GRIK5: variants seen among roughly 807,000 people sequenced by gnomAD.
The protein encoded by GRIK5 is glutamate ionotropic receptor kainate type subunit 5, also known as glutamate receptor ionotropic, kainate 5.
Under a neutral mutation model 97.4 loss-of-function variants are expected in GRIK5, and 43 were observed. The observed-to-expected ratio is 0.44, with a 90% CI of 0.35 to 0.57. The LOEUF (loss-of-function observed/expected upper bound fraction) is 0.57, where lower values mean the gene tolerates loss of function less well. Among genes scored for constraint, GRIK5 ranks in the 20% least tolerant of loss-of-function variants. The probability of loss-of-function intolerance (pLI) is 0.01; values close to 1 mark genes in which losing one functional copy is unlikely to be tolerated. For missense variants in GRIK5, 1,015 were observed against 1,382.0 expected, an observed-to-expected ratio of 0.73 and a Z score of 4.21; for synonymous variants, 580 against 583.5, an observed-to-expected ratio of 0.99 and a Z score of 0.09.
rs531979987 is a variant in GRIK5, at chr19:42,053,829, C to T, written c.1157G>A (p.Arg386His). 3.1e-6 allele frequency: 5 copies of T among 1,610,772 alleles called. No homozygotes were observed. The highest frequency in any genetic ancestry group is 3.3e-5 in the Admixed American group (2 of 60,008). ...CGTCACCCTGGGTCTGCTCACCTCA[C>T]GGTGGCCCTGCCGGGACTTTTCTAG... ...RILEKSRQGHREIGVWYSNRT... is the reference protein window; with the variant it reads ...RILEKSRQGHHEIGVWYSNRT... Residue 386 changes from arginine to histidine, a missense_variant, in exon 10 of 20, where the codon CGT becomes CAT. Arg to His is a conservative substitution (Grantham distance 29). This residue lies in a region of GRIK5 where 477 missense variants were observed against 701.1 expected (regional missense o/e 0.68). Coordinates refer to ENST00000593562, the MANE Select transcript of GRIK5 (RefSeq NM_002088.5).
chr19:42,060,666 G>T (rs538329673), intron 5 of GRIK5, among the ~76,000 whole-genome samples: 1 of 150,692 alleles, frequency 6.6e-6, no homozygotes, highest in African/African-American at 2.4e-5. Context: ...CCTCCTTGCT[G>T]TTCTGCACAC....
chr19:42,065,403 G>C lies in GRIK5; in HGVS notation c.80-16C>G, dbSNP rs1465117523. On this transcript the variant is annotated splice_polypyrimidine_tract_variant and intron_variant, in intron 2 of 19. Coordinates refer to ENST00000593562, the MANE Select transcript of GRIK5 (RefSeq NM_002088.5). This position sits in a 1 kb window ranked among gnomAD's most constrained non-coding sequence, Gnocchi z 5.8. ...AGGATTGCAGCTGAGGGGACACATGGGTTGGGGACCAGACTCCTGAGTCCT... is the reference window on the plus strand; with the variant it reads ...AGGATTGCAGCTGAGGGGACACATGCGTTGGGGACCAGACTCCTGAGTCCT... The C allele has an allele frequency of 6.4e-6, 10 of 1,568,212 alleles. No individual in the cohort carries two copies. Among genetic ancestry groups the C allele is most frequent in the Non-Finnish European group, 8.7e-6 (10 of 1,155,280 alleles).
chr19:42,007,093 T>C (rs1555872902), intron 15 of GRIK5, among the ~76,000 whole-genome samples: 1 of 152,144 alleles, frequency 6.6e-6, no homozygotes, highest in East Asian at 1.9e-4. Context: ...CAGGAAACTT[T>C]TTTCTTTTTT....
At chr19:42,012,856 G>C (rs2075580052) in intron 15 of GRIK5, among the ~76,000 whole-genome samples, 1 of 147,200 alleles carries the variant, frequency 6.8e-6, no homozygotes, top group African/African-American at 2.5e-5. Context: ...AACAGAGTGA[G>C]ATATTGCCTC....
chr19:42,028,424 G>A (rs1198731771), intron 12 of GRIK5, among the ~76,000 whole-genome samples: 9 of 152,332 alleles, frequency 5.9e-5, no homozygotes. Context: ...GGGCGCTAGC[G>A]GGAGGTTGCC....
chr19:42,022,576 C>CA lies in GRIK5; in HGVS notation c.1474-223dup. The stretch of plus-strand genomic sequence containing the variant: ...ATCCTCATCATCTCACGTCTCCAGA[C>CA]ACACTGACTCCGTCCCCTAGGCCTC... On this transcript the variant is annotated intron_variant, in intron 12 of 19. Transcript: ENST00000593562. This position sits in a 1 kb window ranked among gnomAD's most constrained non-coding sequence, Gnocchi z 4.2. 1 of 985,242 alleles carries CA rather than the reference C, an allele frequency of 1.0e-6. No individual in the cohort carries two copies. Among genetic ancestry groups the CA allele is most frequent in the Non-Finnish European group, 1.2e-6 (1 of 829,882 alleles). 61.0% of individuals were successfully genotyped at this position (985,242 alleles called of 1,614,324 possible).
intron 12 of GRIK5, among the ~76,000 whole-genome samples, chr19:42,032,783 C>T (rs1024115291): frequency 5.9e-5 from 9 of 152,132 alleles, no homozygotes; most frequent in South Asian, 2.1e-4. Context: ...ATAGTCACCC[C>T]GATTCCTCTC....
At chr19:42,023,655 C>G (rs1468232377) in intron 12 of GRIK5, among the ~76,000 whole-genome samples, 1 of 152,188 alleles carries the variant, frequency 6.6e-6, no homozygotes, top group Admixed American at 6.5e-5. Flanking sequence ...CTCACTCATT[C>G]CTGGGGCCAT....
intron 1 of GRIK5, chr19:42,068,422 A>C (rs571643599): frequency 3.6e-6 from 1 of 278,746 alleles, no homozygotes; most frequent in Admixed American, 5.3e-5. Flanking sequence ...ATGGGAGTGG[A>C]AAGAGCCAGA....
At chr19:42,025,935 C>T (rs2075766095) in intron 12 of GRIK5, among the ~76,000 whole-genome samples, 1 of 152,186 alleles carries the variant, frequency 6.6e-6, no homozygotes, top group Non-Finnish European at 1.5e-5. Context: ...TGTAGCAAGA[C>T]CCCATCTCTA....
chr19:42,024,731 G>A (rs894345507), intron 12 of GRIK5, among the ~76,000 whole-genome samples: 5 of 152,068 alleles, frequency 3.3e-5, no homozygotes, highest in African/African-American at 1.2e-4. Flanking sequence ...GCATTCCTGG[G>A]CCACTCGCCA....
intron 15 of GRIK5, among the ~76,000 whole-genome samples, chr19:42,011,552 CAA>C (rs58029855): frequency 2.9e-4 from 19 of 65,104 alleles, no homozygotes; most frequent in Admixed American, 6.7e-4. Flanking sequence ...GACTCCGTCT[CAA>C]AAAAAAAAAA....
Position 42,065,454 on chromosome 19 carries a change from G to A in GRIK5, c.80-67C>T. The A allele has an allele frequency of 1.3e-6, 2 of 1,482,182 alleles. No individual in the cohort carries two copies. The highest frequency in any genetic ancestry group is 2.5e-5 in the South Asian group (2 of 79,436). The allele number at this position is 1,482,182 out of a possible 1,614,324, so 91.8% of individuals were successfully genotyped here. A position where few individuals can be genotyped will look rare whatever the true frequency, so the allele number is the denominator to read the frequency against. ...GAGGAAGGAGGGGGCTGTGGTCTTA[G>A]ACTCCAGGGCTCTAGGGTGAGGTGG... On this transcript the variant is annotated intron_variant, in intron 2 of 19. Coordinates refer to ENST00000593562, the MANE Select transcript of GRIK5 (RefSeq NM_002088.5). The surrounding 1 kb of genome is among the most constrained non-coding windows in gnomAD (Gnocchi z 5.8).
chr19:42,018,278 C>T (rs2075651949), intron 15 of GRIK5, among the ~76,000 whole-genome samples: 2 of 149,144 alleles, frequency 1.3e-5, no homozygotes, highest in African/African-American at 5.0e-5. Flanking sequence ...GAGCCGGGAT[C>T]GCACCACCAC....
intron 17 of GRIK5, among the ~76,000 whole-genome samples, chr19:42,004,461 A>G (rs2075462152): frequency 6.6e-6 from 1 of 152,210 alleles, no homozygotes; most frequent in African/African-American, 2.4e-5. Flanking sequence ...GGCAGATGAA[A>G]GTGATTAATA....
intron 5 of GRIK5, among the ~76,000 whole-genome samples, chr19:42,061,920 T>G (rs1306176861): frequency 6.6e-6 from 1 of 152,198 alleles, no homozygotes; most frequent in African/African-American, 2.4e-5. Context: ...ATCTCTTGCT[T>G]CGTTGTTCTC....
Position 42,042,828 on chromosome 19 carries a change from AC to A in GRIK5, c.1270-74del. 8.6e-7 allele frequency: 1 copy of A among 1,162,228 alleles called. No homozygotes were observed. The highest frequency in any genetic ancestry group is 1.3e-6 in the Non-Finnish European group (1 of 798,690). 72.0% of individuals were successfully genotyped at this position (1,162,228 alleles called of 1,614,324 possible). On this transcript the variant is annotated intron_variant, in intron 11 of 19. Transcript: ENST00000593562. This position sits in a 1 kb window ranked among gnomAD's most constrained non-coding sequence, Gnocchi z 6.9. ...CTGGGTTGCGGATCCTGGAGCCCGG[AC>A]CAGGCAGGTAGAGCAGGAATCTGCT... is the stretch of plus-strand genomic sequence containing the variant.
In GRIK5 at chr19:42,054,441, T is replaced by A. The variant is rs2076156846; in HGVS notation, c.935A>T (p.His312Leu). Reference protein sequence around the residue: ...LSAALMFDAVHVVVSAVRELN... With the variant: ...LSAALMFDAVLVVVSAVRELN... ...CTCTCGGACAGCGCTCACCACCACGTGCACGGCGTCAAACATCAGGGCGGC... is the reference window on the plus strand; with the variant it reads ...CTCTCGGACAGCGCTCACCACCACGAGCACGGCGTCAAACATCAGGGCGGC... The change falls in exon 9 of 20, where the codon CAC (histidine) becomes CTC (leucine). Residue 312 changes from histidine (H) to leucine (L), a missense_variant. Around this residue, in one of 5 missense-constraint regions of GRIK5, gnomAD observed 477 missense variants for 701.1 expected, o/e 0.68. Coordinates refer to ENST00000593562, the MANE Select transcript of GRIK5 (RefSeq NM_002088.5). 1 of 1,613,402 alleles carries A rather than the reference T, an allele frequency of 6.2e-7. No individual in the cohort carries two copies. The highest frequency in any genetic ancestry group is 1.3e-5 in the African/African-American group (1 of 75,048).
chr19:42,059,398 G>A lies in GRIK5; in HGVS notation c.638C>T (p.Thr213Ile). ...GGAGGCGTTGGCGTCGATGATGATGGTGGACACCTTGTCATCACGGATCTC... is the reference window on the plus strand; with the variant it reads ...GGAGGCGTTGGCGTCGATGATGATGATGGACACCTTGTCATCACGGATCTC... ...LKEIRDDKVS[T>I]IIIDANASIS... Residue 213 changes from threonine (T) to isoleucine (I), a missense_variant, in exon 6 of 20, where the codon ACC (threonine) becomes ATC (isoleucine). Physicochemically the swap from Thr to Ile is moderately conservative, Grantham distance 89 (BLOSUM62 -1). This residue lies in a region of GRIK5 where 477 missense variants were observed against 701.1 expected (regional missense o/e 0.68). Transcript: ENST00000593562. 2 of 1,613,944 alleles carry A rather than the reference G, an allele frequency of 1.2e-6. No homozygotes were observed. The highest frequency in any genetic ancestry group is 1.7e-6 in the Non-Finnish European group (2 of 1,179,840).
Sources: allele counts gnomAD v4.1 joint callset (sites outside exome capture counted in the v4.1 genomes callset), GRCh38; gene constraint gnomAD v4.1.1; regional missense constraint gnomAD v4.1.1; non-coding constraint Gnocchi (gnomAD v3.1); transcripts MANE v1.5; gene names NCBI Gene and HGNC (gene_info 2026-07-23, HGNC 2026-07-21).